The following PLXNA4 variants were observed in gnomAD, a reference collection of about 807,000 sequenced individuals.
PLXNA4 encodes plexin A4.
In PLXNA4, 44 loss-of-function variants were observed where a neutral mutation model predicts 191.8. The observed-to-expected ratio is 0.23, with a 90% confidence interval of 0.18 to 0.29. The LOEUF is 0.29. Ranked by LOEUF, PLXNA4 falls within the 10% of genes least tolerant of loss-of-function variation. The pLI is 1.00. For missense variants in PLXNA4, 1,800 were observed against 2,488.8 expected (o/e 0.72, Z 5.89); for synonymous variants, 1,082 against 1,009.5 (o/e 1.07, Z -1.36).
At chr7:132,372,636 G>A (rs534157508) in intron 3 of PLXNA4, among the ~76,000 whole-genome samples, 1 of 152,182 alleles carries the variant, frequency 6.6e-6, no homozygotes, top group Non-Finnish European at 1.5e-5. Flanking sequence ...TCACACACTG[G>A]AAACCAGCAT....
chr7:132,297,457 C>G (rs775915385), intron 4 of PLXNA4, among the ~76,000 whole-genome samples: 1 of 152,168 alleles, frequency 6.6e-6, no homozygotes, highest in Non-Finnish European at 1.5e-5. Flanking sequence ...AAACTCACTT[C>G]GTTCTCAGCT....
intron 3 of PLXNA4, among the ~76,000 whole-genome samples, chr7:132,375,740 T>C (rs1325367102): frequency 6.6e-6 from 1 of 152,018 alleles, no homozygotes; most frequent in East Asian, 1.9e-4. Flanking sequence ...CCTAGAGCAG[T>C]CAAAATGGTG....
intron 4 of PLXNA4, among the ~76,000 whole-genome samples, chr7:132,282,723 C>A (rs1232210399): frequency 6.9e-6 from 1 of 145,962 alleles, no homozygotes; most frequent in Admixed American, 7.0e-5. Flanking sequence ...TCTTAGCAGC[C>A]CTTGGCATCA....
At chr7:132,219,867 T>C (rs1798087561) in intron 9 of PLXNA4, among the ~76,000 whole-genome samples, 1 of 152,180 alleles carries the variant, frequency 6.6e-6, no homozygotes, top group Non-Finnish European at 1.5e-5. Context: ...GGCTGCAGTA[T>C]TCAGTACAGT....
At chr7:132,617,423 C>A (rs59471531) in intron 2 of PLXNA4, among the ~76,000 whole-genome samples, 2,824 of 152,308 alleles carry the variant, frequency 0.019, 78 homozygotes, top group African/African-American at 0.063. Context: ...CCCTGGGCTA[C>A]AGAGCTTCAA....
intron 2 of PLXNA4, among the ~76,000 whole-genome samples, chr7:132,585,600 T>C (rs1802492955): frequency 6.6e-6 from 1 of 152,238 alleles, no homozygotes; most frequent in Non-Finnish European, 1.5e-5. Flanking sequence ...GCTGCTGTTA[T>C]GAAATGCCAC....
chr7:132,251,302 CACAG>C (rs375327788), intron 4 of PLXNA4, among the ~76,000 whole-genome samples: 1 of 152,120 alleles, frequency 6.6e-6, no homozygotes, highest in Non-Finnish European at 1.5e-5. Flanking sequence ...TAGCAAATGA[CACAG>C]ACAAAGACTA....
At chr7:132,445,394 C>T (rs775507119) in intron 3 of PLXNA4, among the ~76,000 whole-genome samples, 65 of 151,534 alleles carry the variant, frequency 4.3e-4, no homozygotes, top group Admixed American at 4.6e-4. Flanking sequence ...CGAGTGAGCG[C>T]CCCTGCCTTG....
chr7:132,493,044 C>A (rs1224705695), intron 2 of PLXNA4, among the ~76,000 whole-genome samples: 1 of 152,128 alleles, frequency 6.6e-6, no homozygotes, highest in Non-Finnish European at 1.5e-5. Context: ...GGCCTGTAGA[C>A]CTGGGAGGTG....
chr7:132,475,985 A>G (rs1797114308), intron 3 of PLXNA4, among the ~76,000 whole-genome samples: 1 of 152,190 alleles, frequency 6.6e-6, no homozygotes, highest in South Asian at 2.1e-4. Flanking sequence ...TGCAAGGCAG[A>G]GCCCAGCGGG....
chr7:132,604,131 AC>A (rs1802876776), intron 2 of PLXNA4, among the ~76,000 whole-genome samples: 5 of 44,660 alleles, frequency 1.1e-4, no homozygotes, highest in Non-Finnish European at 8.5e-4. Context: ...TGACTCCACT[AC>A]CCCTCTGTGT....
intron 2 of PLXNA4, among the ~76,000 whole-genome samples, chr7:132,500,916 C>T (rs2117606936): frequency 6.6e-6 from 1 of 152,296 alleles, no homozygotes; most frequent in African/African-American, 2.4e-5. Flanking sequence ...GGCTGAGACC[C>T]AAAGATCCTG....
At chr7:132,475,175 G>A (rs1375980607) in intron 3 of PLXNA4, among the ~76,000 whole-genome samples, 2 of 152,166 alleles carry the variant, frequency 1.3e-5, no homozygotes, top group African/African-American at 4.8e-5. Flanking sequence ...GAAGATTGCA[G>A]GAGTCCTAGG....
chr7:132,231,382 C>A (rs536391175), intron 5 of PLXNA4, among the ~76,000 whole-genome samples: 110 of 152,284 alleles, frequency 7.2e-4, no homozygotes, highest in African/African-American at 2.6e-3. Flanking sequence ...GATGCAGAAC[C>A]ACAGATTTAT....
Position 132,508,001 on chromosome 7 carries a change from C to T in PLXNA4, c.693G>A (p.Ser231=), listed in dbSNP as rs267601294. ...EFVASMIKIP[S]DTFTIIPDFD... ...AGTCAGGGATGATGGTGAAGGTGTC[C>T]GAAGGGATCTTAATCATCGAGGCCA... The change falls in exon 2 of 32, where the codon TCG becomes TCA. Residue 231 remains serine (S), a synonymous_variant. Transcript: ENST00000321063. The surrounding 1 kb of genome is among the most constrained non-coding windows in gnomAD (Gnocchi z 4.4). 65 of 1,614,032 alleles carry T rather than the reference C, an allele frequency of 4.0e-5. 1 individual carries two copies. In the South Asian group the frequency reaches 5.5e-4, roughly 14 times the overall value.
At chr7:132,566,412 T>G (rs1220700327) in intron 1 of PLXNA4, among the ~76,000 whole-genome samples, 3 of 152,164 alleles carry the variant, frequency 2.0e-5, no homozygotes, top group East Asian at 3.9e-4. Context: ...TACCCAGTGG[T>G]GGAAACCATG....
intron 4 of PLXNA4, among the ~76,000 whole-genome samples, chr7:132,294,484 A>G: frequency 6.6e-6 from 1 of 152,196 alleles, no homozygotes; most frequent in East Asian, 1.9e-4. Context: ...GAATGACACT[A>G]TCTAACTCAA....
chr7:132,510,297 C>A (rs1359907870), intron 1 of PLXNA4, among the ~76,000 whole-genome samples: 2 of 152,166 alleles, frequency 1.3e-5, no homozygotes, highest in Non-Finnish European at 2.9e-5. Flanking sequence ...AGATGGAAAC[C>A]AAGAGAAGAA....
chr7:132,645,201 G>A (rs968191077), intron 2 of PLXNA4, among the ~76,000 whole-genome samples: 1 of 152,174 alleles, frequency 6.6e-6, no homozygotes, highest in African/African-American at 2.4e-5. Context: ...GTCTGATATG[G>A]TTTGGCTCTG....
Sources: gnomAD v4.1 joint callset for allele counts (sites outside exome capture counted in the v4.1 genomes callset) on GRCh38, gnomAD v4.1.1 for gene constraint, Gnocchi (gnomAD v3.1) non-coding constraint, MANE v1.5 for transcripts, NCBI Gene and HGNC (gene_info 2026-07-23, HGNC 2026-07-21) for gene names.